Variants in KMT5A observed in about 807,000 individuals in gnomAD.
The protein encoded by KMT5A is N-lysine methyltransferase KMT5A.
KMT5A carries 6 observed loss-of-function variants against 40.6 expected under a neutral mutation model. The observed-to-expected ratio is 0.15, with a 90% CI of 0.08 to 0.29. The LOEUF is 0.29. Ranked by LOEUF, KMT5A falls within the 10% of genes least tolerant of loss-of-function variation. The probability of loss-of-function intolerance (pLI) is 1.00; values close to 1 mark genes in which losing one functional copy is unlikely to be tolerated. For missense variants in KMT5A, 308 were observed against 459.1 expected (o/e 0.67, Z 3.01); for synonymous variants, 153 against 178.8 (o/e 0.86, Z 1.15).
intron 6 of KMT5A, 73 bp downstream of exon 6, chr12:123,403,705 G>A: frequency 6.4e-7 from 1 of 1,571,248 alleles, no homozygotes; most frequent in Non-Finnish European, 8.8e-7. Context: ...CCGTGGCTGA[G>A]AGTGGCCACC....
Position 123,396,483 on chromosome 12 carries a change from A to C in KMT5A, c.597+51A>C, listed in dbSNP as rs370122696. 8.3e-6 allele frequency: 13 copies of C among 1,560,652 alleles called. No homozygotes were observed. The African/African-American group carries it at 1.2e-4, about 15-fold the overall frequency. The stretch of plus-strand genomic sequence containing the variant: ...TTGTGGAGGGGCAGGGTGGCCCACC[A>C]AGCAGTGCTTGGCGTGTGCGTATGT... On this transcript the variant is annotated intron_variant, in intron 5 of 7. Coordinates refer to ENST00000402868, the MANE Select transcript of KMT5A (RefSeq NM_020382.7).
At position 123,395,138 on chromosome 12, in the gene KMT5A, T is replaced by C. The variant is rs1877607705; in HGVS notation, c.381T>C (p.Phe127=). ...KDARKGPLVP[F]PNQKSEAAEP... ...CCAGGAAAGGTCCCCTGGTACCTTT[T>C]CCAAACCAAAAATCTGAAGCAGCAG... Residue 127 remains phenylalanine (F), a synonymous_variant, in exon 4 of 8, where the codon TTT becomes TTC. Transcript: ENST00000402868. 6.2e-7 allele frequency: 1 copy of C among 1,609,136 alleles called. No individual in the cohort carries two copies. The highest frequency in any genetic ancestry group is 1.1e-5 in the South Asian group (1 of 90,294).
intron 1 of KMT5A, among the ~76,000 whole-genome samples, chr12:123,385,021 T>C (rs1158213758): frequency 6.6e-6 from 1 of 152,074 alleles, no homozygotes; most frequent in South Asian, 2.1e-4. Context: ...GCGTGAAAGT[T>C]GAGTAGAATT....
chr12:123,384,256 G>A lies in KMT5A; in HGVS notation c.10+48G>A, dbSNP rs767830722. 2.5e-6 allele frequency: 4 copies of A among 1,607,884 alleles called. No individual in the cohort carries two copies. Among genetic ancestry groups the A allele is most frequent in the Non-Finnish European group, 3.4e-6 (4 of 1,178,010 alleles). On this transcript the variant is annotated intron_variant, in intron 1 of 7. Coordinates refer to ENST00000402868, the MANE Select transcript of KMT5A (RefSeq NM_020382.7). This position sits in a 1 kb window ranked among gnomAD's most constrained non-coding sequence, Gnocchi z 5.7. Reference sequence around the variant, plus strand: ...CCGGAGCGGCTGGGTCGGGGGTCGTGCTGGAGGGGTTGCCGGGGTGGAGGC... The same window carrying A: ...CCGGAGCGGCTGGGTCGGGGGTCGTACTGGAGGGGTTGCCGGGGTGGAGGC...
intron 1 of KMT5A, 62 bp from the exon 2 acceptor site, chr12:123,389,371 C>A: frequency 3.5e-5 from 35 of 1,002,028 alleles, no homozygotes; most frequent in Non-Finnish European, 4.2e-5. Context: ...GGCGGCCCCG[C>A]TCCCCGCCCC....
chr12:123,397,140 C>G (rs936258073), intron 5 of KMT5A, among the ~76,000 whole-genome samples: 1 of 152,278 alleles, frequency 6.6e-6, no homozygotes, highest in Non-Finnish European at 1.5e-5. Context: ...GCAGCACCGG[C>G]TGGAAGGCCA....
At chr12:123,395,288 CTTCCTAA>C in intron 4 of KMT5A, 22 bp downstream of exon 4, 1 of 1,605,874 alleles carries the variant, frequency 6.2e-7, no homozygotes, top group South Asian at 1.1e-5. Flanking sequence ...ATTCAGTCCT[CTTCCTAA>C]CGTGGAGCAG....
intron 6 of KMT5A, among the ~76,000 whole-genome samples, 188 bp downstream of exon 6, chr12:123,403,820 C>T (rs1878351033): frequency 6.6e-6 from 1 of 152,210 alleles, no homozygotes; most frequent in African/African-American, 2.4e-5. Flanking sequence ...ATGAAGGAAA[C>T]ATAAATGGGC....
intron 3 of KMT5A, chr12:123,391,025 T>C (rs1877279525): frequency 2.0e-6 from 1 of 487,842 alleles, no homozygotes. Context: ...TTGATTGTCT[T>C]GCTTAGTTGC....
chr12:123,389,883 C>T lies in KMT5A; in HGVS notation c.132+329C>T, dbSNP rs374749850. Among the ~76,000 whole-genome samples, 36 of 152,204 alleles carry T rather than the reference C, an allele frequency of 2.4e-4. No homozygotes were observed. The East Asian group carries it at 5.4e-3, about 23-fold the overall frequency. On this transcript the variant is annotated intron_variant, in intron 2 of 7. Transcript: ENST00000402868. ...CGGTGTTGAATGGTCCCCGAGGCGG[C>T]GAGGGCCCGGCGTTGCTTCTGGGGA...
Position 123,389,988 on chromosome 12 carries a change from C to T in KMT5A, c.132+434C>T, listed in dbSNP as rs1349294367. Reference sequence around the variant, plus strand: ...CGCAGTGACCTGAACCGCCCCACCGCCCCGTCCACTCTCTTACTGACGCCC... The same window carrying T: ...CGCAGTGACCTGAACCGCCCCACCGTCCCGTCCACTCTCTTACTGACGCCC... On this transcript the variant is annotated intron_variant, in intron 2 of 7. Coordinates refer to ENST00000402868, the MANE Select transcript of KMT5A (RefSeq NM_020382.7). The T allele has an allele frequency of 6.6e-6, 3 of 455,802 alleles. No individual in the cohort carries two copies. In the Admixed American group the frequency reaches 7.1e-5, roughly 11 times the overall value. 28.2% of individuals were successfully genotyped at this position (455,802 alleles called of 1,614,324 possible).
chr12:123,395,127 CT>C lies in KMT5A; in HGVS notation c.371del (p.Leu124ArgfsTer34). 2 of 1,607,264 alleles carry C rather than the reference CT, an allele frequency of 1.2e-6. No homozygotes were observed. The highest frequency in any genetic ancestry group is 1.7e-6 in the Non-Finnish European group (2 of 1,176,730). On this transcript the variant is annotated frameshift_variant, in exon 4 of 8. Coordinates refer to ENST00000402868, the MANE Select transcript of KMT5A (RefSeq NM_020382.7). LOFTEE classifies it high-confidence loss of function. ...GATCAAAGACGCCAGGAAAGGTCCCCTGGTACCTTTTCCAAACCAAAAATCT... is the reference window on the plus strand; with the variant it reads ...GATCAAAGACGCCAGGAAAGGTCCCCGGTACCTTTTCCAAACCAAAAATCT... ...QKIKDARKGPLVPFPNQKSEA... is the reference protein window; with the variant it reads ...QKIKDARKGPXVPFPNQKSEA...
At chr12:123,398,341 A>G (rs1318584428) in intron 5 of KMT5A, among the ~76,000 whole-genome samples, 1 of 151,200 alleles carries the variant, frequency 6.6e-6, no homozygotes, top group African/African-American at 2.4e-5. Context: ...AGAATCCCAG[A>G]CACCTCCCAG....
chr12:123,398,574 G>A (rs1461561776), intron 5 of KMT5A, among the ~76,000 whole-genome samples: 2 of 152,244 alleles, frequency 1.3e-5, no homozygotes, highest in Non-Finnish European at 2.9e-5. Flanking sequence ...CTAAAGCACA[G>A]TCTGCAAACA....
At chr12:123,397,801 G>T (rs1306710299) in intron 5 of KMT5A, among the ~76,000 whole-genome samples, 1 of 151,102 alleles carries the variant, frequency 6.6e-6, no homozygotes. Context: ...TGAGTAGCTG[G>T]GACTACAGGC....
intron 2 of KMT5A, chr12:123,389,904 G>A (rs1289679696): frequency 2.8e-6 from 1 of 362,040 alleles, no homozygotes; most frequent in African/African-American, 2.1e-5. Flanking sequence ...CGTTGCTTCT[G>A]GGGACGCCCT....
chr12:123,388,828 C>T (rs1877026653), intron 1 of KMT5A: 6 of 149,834 alleles, frequency 4.0e-5, no homozygotes. Flanking sequence ...GCTGAGGCCG[C>T]GCGAGAGGGG....
chr12:123,404,024 C>T (rs1390006096), intron 6 of KMT5A, among the ~76,000 whole-genome samples: 1 of 152,122 alleles, frequency 6.6e-6, no homozygotes, highest in Non-Finnish European at 1.5e-5. Context: ...CCTGCCCAGC[C>T]CCTGGCAGCC....
intron 2 of KMT5A, 32 bp from the exon 3 acceptor site, chr12:123,390,598 G>C (rs762066228): frequency 6.2e-7 from 1 of 1,609,280 alleles, no homozygotes; most frequent in South Asian, 1.1e-5. Context: ...TCTTCTTCAA[G>C]CCTCTTTCAG....
Sources: allele counts gnomAD v4.1 joint callset (sites outside exome capture counted in the v4.1 genomes callset), GRCh38; gene constraint gnomAD v4.1.1; non-coding constraint Gnocchi (gnomAD v3.1); transcripts MANE v1.5; gene names NCBI Gene and HGNC (gene_info 2026-07-23, HGNC 2026-07-21).